The following TMEM232 variants were observed in gnomAD, a reference collection of about 807,000 sequenced individuals.
TMEM232 encodes the protein transmembrane protein 232.
In TMEM232, 80 loss-of-function variants were observed where a neutral mutation model predicts 78.8. The ratio of observed to expected loss-of-function variants is 1.01; its 90% CI spans 0.85 to 1.22. The LOEUF (loss-of-function observed/expected upper bound fraction) is 1.22, where lower values mean the gene tolerates loss of function less well. TMEM232 is among the 50% of genes most tolerant of loss of function. The pLI is 0.00. For missense variants in TMEM232, 881 were observed against 742.2 expected, an observed-to-expected ratio of 1.19 and a Z score of -2.17; for synonymous variants, 297 against 254.3, an observed-to-expected ratio of 1.17 and a Z score of -1.60.
At chr5:110,392,001 G>T (rs1226489145) in intron 3 of TMEM232, among the ~76,000 whole-genome samples, 3 of 152,076 alleles carry the variant, frequency 2.0e-5, no homozygotes, top group Non-Finnish European at 4.4e-5. Flanking sequence ...CATATGCATT[G>T]TTACCCTAAC....
intron 5 of TMEM232, among the ~76,000 whole-genome samples, chr5:110,631,216 G>A (rs1005074402): frequency 5.3e-5 from 8 of 152,156 alleles, no homozygotes; most frequent in Admixed American, 5.2e-4. Context: ...AAGAGATGGT[G>A]CAGCGCATTA....
rs1056658204 is a variant in TMEM232 at position 110,524,388 on chromosome 5, A to C, written c.1703+4200T>G. On this transcript the variant is annotated intron_variant, in intron 12 of 13. Coordinates refer to ENST00000455884, the MANE Select transcript of TMEM232 (RefSeq NM_001039763.4). Reference sequence around the variant, plus strand: ...AAAAGAAAGAAAGAAAGAAAGAAAGAAAGAAAGAAAGAAAGAAAGAAAGAA... The same window carrying C: ...AAAAGAAAGAAAGAAAGAAAGAAAGCAAGAAAGAAAGAAAGAAAGAAAGAA... Among the ~76,000 whole-genome samples, 6 of 69,838 alleles carry C rather than the reference A, an allele frequency of 8.6e-5. 1 individual carries two copies. Among genetic ancestry groups the C allele is most frequent in the Admixed American group, 8.1e-4 (6 of 7,388 alleles). The allele number at this position is 69,838 out of a possible 152,430, so 45.8% of individuals were successfully genotyped here. A position where few individuals can be genotyped will look rare whatever the true frequency, so the allele number is the denominator to read the frequency against.
intron 1 of TMEM232, among the ~76,000 whole-genome samples, chr5:110,709,641 T>C (rs1796272659): frequency 6.6e-6 from 1 of 151,916 alleles, no homozygotes; most frequent in South Asian, 2.1e-4. Flanking sequence ...AACAAGTGGG[T>C]CAATGAAGAA....
chr5:110,618,214 G>A (rs73226207), intron 8 of TMEM232, among the ~76,000 whole-genome samples: 2,786 of 152,014 alleles, frequency 0.018, 104 homozygotes, highest in African/African-American at 0.065. Context: ...CAGTGTATGC[G>A]TGCACATCTA....
chr5:110,483,416 A>C (rs553406200), intron 12 of TMEM232, among the ~76,000 whole-genome samples: 6 of 152,314 alleles, frequency 3.9e-5, no homozygotes, highest in African/African-American at 1.4e-4. Context: ...GTTTATATAC[A>C]CTGTTGGTGG....
intron 1 of TMEM232, among the ~76,000 whole-genome samples, chr5:110,670,196 C>T (rs1421709336): frequency 6.6e-6 from 1 of 152,166 alleles, no homozygotes; most frequent in Non-Finnish European, 1.5e-5. Flanking sequence ...CAAATTGTCC[C>T]TGTTTGCAGA....
intron 1 of TMEM232, among the ~76,000 whole-genome samples, chr5:110,696,946 A>T (rs1794863776): frequency 6.6e-6 from 1 of 152,190 alleles, no homozygotes; most frequent in Non-Finnish European, 1.5e-5. Context: ...GGAAAAAACT[A>T]CTTTAAAGTT....
chr5:110,642,055 G>A (rs1196785914), intron 3 of TMEM232, among the ~76,000 whole-genome samples: 1 of 151,786 alleles, frequency 6.6e-6, no homozygotes, highest in Admixed American at 6.6e-5. Context: ...CTGCTGGACT[G>A]GTATATTTCC....
chr5:110,426,934 G>C (rs770443788), intron 12 of TMEM232, among the ~76,000 whole-genome samples: 3 of 151,840 alleles, frequency 2.0e-5, no homozygotes, highest in Non-Finnish European at 4.4e-5. Flanking sequence ...ATTTTTTCTT[G>C]AACAAGAATT....
chr5:110,695,944 C>T (rs1794723976), intron 1 of TMEM232, among the ~76,000 whole-genome samples: 2 of 152,316 alleles, frequency 1.3e-5, no homozygotes, highest in African/African-American at 2.4e-5. Context: ...TCCTCCCTAA[C>T]TCATTTTATG....
chr5:110,484,878 G>A (rs1764289761), intron 12 of TMEM232, among the ~76,000 whole-genome samples: 1 of 151,728 alleles, frequency 6.6e-6, no homozygotes, highest in Non-Finnish European at 1.5e-5. Flanking sequence ...ATTCAACAAC[G>A]GTCAAGACCT....
At chr5:110,700,944 G>A (rs1164265492) in intron 1 of TMEM232, among the ~76,000 whole-genome samples, 2 of 151,700 alleles carry the variant, frequency 1.3e-5, no homozygotes, top group African/African-American at 4.8e-5. Flanking sequence ...AAATATTAGG[G>A]GTATCTAATC....
intron 11 of TMEM232, among the ~76,000 whole-genome samples, chr5:110,545,555 T>A (rs10213938): frequency 6.6e-6 from 1 of 152,134 alleles, no homozygotes; most frequent in Non-Finnish European, 1.5e-5. Context: ...CTATTGCTAT[T>A]TATGTCAAAA....
At chr5:110,509,266 C>G (rs1767403223) in intron 12 of TMEM232, among the ~76,000 whole-genome samples, 1 of 151,304 alleles carries the variant, frequency 6.6e-6, no homozygotes, top group African/African-American at 2.4e-5. Flanking sequence ...TTTGTCTGTA[C>G]AAAAATAAAA....
chr5:110,456,728 G>A (rs1760952231), intron 12 of TMEM232, among the ~76,000 whole-genome samples: 1 of 152,080 alleles, frequency 6.6e-6, no homozygotes, highest in Non-Finnish European at 1.5e-5. Context: ...CACATACACA[G>A]TCAACTGCAT....
intron 12 of TMEM232, among the ~76,000 whole-genome samples, chr5:110,519,126 GAAAT>G (rs1420774732): frequency 6.6e-6 from 1 of 152,026 alleles, no homozygotes; most frequent in East Asian, 1.9e-4. Flanking sequence ...AAAATGGGAT[GAAAT>G]AAATAATATT....
rs188162693 is a variant in TMEM232, at chr5:110,497,103, C to G, written c.1703+31485G>C. The stretch of plus-strand genomic sequence containing the variant: ...GGATCAGATATATCTATGGTCTCCT[C>G]CAAATCAATAAACGTTCCATACTTT... On this transcript the variant is annotated intron_variant, in intron 12 of 13. Coordinates refer to ENST00000455884, the MANE Select transcript of TMEM232 (RefSeq NM_001039763.4). Among the ~76,000 whole-genome samples, 7 of 151,850 alleles carry G rather than the reference C, an allele frequency of 4.6e-5. No individual in the cohort carries two copies. The East Asian group carries it at 1.2e-3, about 25-fold the overall frequency.
intron 1 of TMEM232, among the ~76,000 whole-genome samples, chr5:110,721,673 G>GTATATATATATATATATATATATATATA (rs10522202): frequency 0.025 from 873 of 35,378 alleles, 169 homozygotes; most frequent in East Asian, 0.069. Flanking sequence ...GTGTGTGTGT[G>GTATATATATATATATATATATATATATA]TATATATATA....
intron 7 of TMEM232, among the ~76,000 whole-genome samples, chr5:110,620,743 C>A (rs1260414665): frequency 6.6e-6 from 1 of 151,022 alleles, no homozygotes; most frequent in African/African-American, 2.4e-5. Context: ...CTCCTAGTGG[C>A]CTTTGGCAGT....
Sources: allele counts gnomAD v4.1 joint callset (sites outside exome capture counted in the v4.1 genomes callset), GRCh38; gene constraint gnomAD v4.1.1; transcripts MANE v1.5; gene names NCBI Gene and HGNC (gene_info 2026-07-23, HGNC 2026-07-21).